PUDP: variants seen among roughly 807,000 people sequenced by gnomAD.
PUDP encodes pseudouridine 5'-phosphatase.
PUDP carries 8 observed loss-of-function variants against 9.4 expected under a neutral mutation model. That is an observed-to-expected ratio of 0.85 (90% confidence interval 0.50 to 1.53). The LOEUF is 1.53. Among genes scored for constraint, PUDP ranks in the 40% most tolerant of loss-of-function variants. The pLI, the probability that PUDP is intolerant of heterozygous loss-of-function variation, is 0.00. For synonymous variants in PUDP, 99 were observed against 80.7 expected, an observed-to-expected ratio of 1.23 and a Z score of -1.22; for missense variants, 188 against 189.7, an observed-to-expected ratio of 0.99 and a Z score of 0.05.
intron 3 of PUDP, among the ~76,000 whole-genome samples, chrX:6,922,079 G>T (rs982842168): frequency 5.4e-5 from 6 of 110,990 alleles, no homozygotes; most frequent in Non-Finnish European, 1.1e-4. Flanking sequence ...GACACAGAGA[G>T]TAGAAGGATG....
intron 3 of PUDP, among the ~76,000 whole-genome samples, chrX:6,730,108 T>C (rs1924791692): frequency 8.9e-6 from 1 of 111,828 alleles, no homozygotes; most frequent in African/African-American, 3.3e-5. Context: ...CCAACATGAG[T>C]GGAGGTGCCC....
chrX:7,071,210 G>A (rs777454308), intron 3 of PUDP, among the ~76,000 whole-genome samples: 2 of 111,172 alleles, frequency 1.8e-5, no homozygotes, highest in African/African-American at 3.3e-5. Context: ...TATGCCCAGC[G>A]ACAGTTTTCT....
At chrX:6,749,268 G>A (rs1925037207) in intron 3 of PUDP, among the ~76,000 whole-genome samples, 1 of 111,930 alleles carries the variant, frequency 8.9e-6, no homozygotes, top group Non-Finnish European at 1.9e-5. Context: ...CAGCAGCATC[G>A]GGATTGTGCA....
intron 3 of PUDP, among the ~76,000 whole-genome samples, chrX:6,969,655 T>A (rs1010811517): frequency 2.1e-4 from 23 of 111,938 alleles, no homozygotes; most frequent in African/African-American, 7.1e-4. Context: ...GGCAGGAGGA[T>A]CACTTGAGGC....
chrX:6,880,836 G>A (rs371216087), intron 3 of PUDP, among the ~76,000 whole-genome samples: 2 of 111,855 alleles, frequency 1.8e-5, no homozygotes, highest in East Asian at 2.8e-4. Context: ...TCATTCATCT[G>A]TTTATTTATT....
chrX:6,789,429 T>C (rs1925701548), intron 3 of PUDP, among the ~76,000 whole-genome samples: 1 of 111,012 alleles, frequency 9.0e-6, no homozygotes, highest in Non-Finnish European at 1.9e-5. Context: ...GACCTTGGGG[T>C]CTTGAGAAGG....
At chrX:7,034,357 AT>A (rs1189284505) in intron 1 of PUDP, among the ~76,000 whole-genome samples, 3 of 111,355 alleles carry the variant, frequency 2.7e-5, no homozygotes, top group East Asian at 2.8e-4. Flanking sequence ...TCACACATGC[AT>A]TTTTTTTACA....
chrX:7,102,946 C>T (rs147775981), intron 2 of PUDP, among the ~76,000 whole-genome samples: 32 of 111,853 alleles, frequency 2.9e-4, no homozygotes, highest in Admixed American at 5.7e-4. Flanking sequence ...AATTGAAAGA[C>T]ATCTTATGCC....
chrX:6,921,797 T>C (rs1318527256), intron 3 of PUDP, among the ~76,000 whole-genome samples: 1 of 111,106 alleles, frequency 9.0e-6, no homozygotes, highest in Non-Finnish European at 1.9e-5. Flanking sequence ...CCTTTCACTG[T>C]TTCCCATGGC....
chrX:6,958,352 C>CA (rs764483215), intron 3 of PUDP, among the ~76,000 whole-genome samples: 1 of 111,804 alleles, frequency 8.9e-6, no homozygotes, highest in East Asian at 2.8e-4. Flanking sequence ...ATAAGTATGC[C>CA]AGGTCAAATA....
chrX:6,887,113 T>A (rs1602659741), intron 3 of PUDP, among the ~76,000 whole-genome samples: 1 of 92,128 alleles, frequency 1.1e-5, no homozygotes, highest in South Asian at 5.4e-4. Flanking sequence ...TATAATATAT[T>A]ATATGATATA....
At chrX:6,866,310 G>T (rs1203595692) in intron 3 of PUDP, among the ~76,000 whole-genome samples, 1 of 109,127 alleles carries the variant, frequency 9.2e-6, no homozygotes, top group Non-Finnish European at 1.9e-5. Context: ...ATAGTATACG[G>T]TTGTTAAATT....
intron 1 of PUDP, among the ~76,000 whole-genome samples, chrX:6,985,744 T>C (rs1248540365): frequency 9.0e-6 from 1 of 111,448 alleles, no homozygotes; most frequent in African/African-American, 3.3e-5. Flanking sequence ...TGCCCCGTAA[T>C]AATTCTCAGT....
intron 1 of PUDP, among the ~76,000 whole-genome samples, chrX:7,117,278 A>G (rs2146911429): frequency 8.9e-6 from 1 of 112,252 alleles, no homozygotes; most frequent in East Asian, 2.8e-4. Flanking sequence ...CCTAGAGAAC[A>G]GTTAAATGGT....
intron 3 of PUDP, among the ~76,000 whole-genome samples, chrX:6,800,746 T>C (rs1215105807): frequency 3.6e-5 from 4 of 111,820 alleles, no homozygotes; most frequent in Non-Finnish European, 7.5e-5. Context: ...CTGATCGATA[T>C]TCACAACTCA....
intron 3 of PUDP, among the ~76,000 whole-genome samples, chrX:6,885,460 G>A (rs1927408381): frequency 8.9e-6 from 1 of 111,914 alleles, no homozygotes; most frequent in African/African-American, 3.2e-5. Flanking sequence ...TTTCTAAAGG[G>A]TGTTATCAGA....
intron 3 of PUDP, among the ~76,000 whole-genome samples, chrX:6,763,028 T>C (rs1925245679): frequency 8.9e-6 from 1 of 112,358 alleles, no homozygotes; most frequent in South Asian, 3.7e-4. Flanking sequence ...GGCCAAACAG[T>C]GTCCCCCTGC....
rs937898190 is a variant in PUDP at position 7,068,473 on chromosome X, G to A, written c.510+8747C>T. ...GTGTGGGGACAGGGGAGGAGTCTGT[G>A]TTCTCAGGCTGGGAATGAGACCTTG... On this transcript the variant is annotated intron_variant, in intron 3 of 3. Transcript: ENST00000381077. Among the ~76,000 whole-genome samples the A allele has an allele frequency of 8.1e-5, 9 of 111,657 alleles. No homozygotes were observed. The East Asian group carries it at 2.5e-3, about 31-fold the overall frequency.
intron 1 of PUDP, among the ~76,000 whole-genome samples, chrX:7,010,699 C>A (rs1192663718): frequency 8.9e-6 from 1 of 111,829 alleles, no homozygotes; most frequent in Non-Finnish European, 1.9e-5. Flanking sequence ...CACCACGATT[C>A]TGGTGTAATG....
Sources: allele counts gnomAD v4.1 joint callset (sites outside exome capture counted in the v4.1 genomes callset), GRCh38; gene constraint gnomAD v4.1.1; transcripts MANE v1.5; gene names NCBI Gene and HGNC (gene_info 2026-07-23, HGNC 2026-07-21).